The following CEP126 variants were observed in gnomAD, a reference collection of about 807,000 sequenced individuals.
CEP126 encodes centrosomal protein 126.
CEP126 carries 74 observed loss-of-function variants against 107.8 expected under a neutral mutation model. The observed-to-expected ratio is 0.69, with a 90% confidence interval of 0.57 to 0.83. The LOEUF (loss-of-function observed/expected upper bound fraction) is 0.83, where lower values mean the gene tolerates loss of function less well. CEP126 is among the 40% of genes least tolerant of loss of function. The pLI is 0.00. For missense variants in CEP126, 1,237 were observed against 1,281.9 expected (o/e 0.96, Z 0.53); for synonymous variants, 449 against 446.0 (o/e 1.01, Z -0.08).
chr11:101,916,971 G>A (rs1940225819), intron 1 of CEP126, among the ~76,000 whole-genome samples: 1 of 149,668 alleles, frequency 6.7e-6, no homozygotes, highest in African/African-American at 2.5e-5. Flanking sequence ...TTAAAATTAG[G>A]CAAGTTATAA....
intron 10 of CEP126, 133 bp from the exon 11 acceptor site, chr11:101,997,466 A>G (rs1043529566): frequency 1.0e-5 from 14 of 1,401,022 alleles, no homozygotes; most frequent in South Asian, 6.7e-5. Flanking sequence ...GTCCTCTGCA[A>G]TCTTAAACTC....
At chr11:101,961,655 G>T in intron 5 of CEP126, 86 bp from the exon 6 acceptor site, 1 of 682,692 alleles carries the variant, frequency 1.5e-6, no homozygotes, top group Non-Finnish European at 2.5e-6. Flanking sequence ...AAGGAGAATT[G>T]GGCTCAGTAA....
chr11:101,915,321 G>T lies in CEP126; in HGVS notation c.37G>T (p.Gly13Trp). The change falls in exon 1 of 11, where the codon GGG (glycine) becomes TGG (tryptophan). Residue 13 changes from glycine to tryptophan, a missense_variant. Around this residue, in one of 3 missense-constraint regions of CEP126, gnomAD observed 1,134 missense variants for 1,150.5 expected, o/e 0.99. Coordinates refer to ENST00000263468, the MANE Select transcript of CEP126 (RefSeq NM_020802.4). ...GAGGCCCGGAACCCGGAGCGCGGTC[G>T]GGGAACTGGGCACTGAATCATCGGA... is the stretch of plus-strand genomic sequence containing the variant. ...AGRPGTRSAVGELGTESSDNL... is the reference protein window; with the variant it reads ...AGRPGTRSAVWELGTESSDNL... 1.2e-6 allele frequency: 2 copies of T among 1,613,910 alleles called. No homozygotes were observed. Among genetic ancestry groups the T allele is most frequent in the Non-Finnish European group, 1.7e-6 (2 of 1,179,974 alleles).
chr11:101,920,528 A>G (rs1940307254), intron 1 of CEP126, among the ~76,000 whole-genome samples: 1 of 152,184 alleles, frequency 6.6e-6, no homozygotes, highest in South Asian at 2.1e-4. Flanking sequence ...CCTACAATCT[A>G]TAACTTCAGT....
intron 3 of CEP126, among the ~76,000 whole-genome samples, chr11:101,947,336 G>A (rs1940750213): frequency 6.6e-6 from 1 of 152,136 alleles, no homozygotes; most frequent in Non-Finnish European, 1.5e-5. Context: ...ATGATGGGAG[G>A]AAAATGATGT....
chr11:101,941,008 C>T (rs1007539245), intron 2 of CEP126, among the ~76,000 whole-genome samples: 13 of 152,096 alleles, frequency 8.5e-5, no homozygotes, highest in African/African-American at 2.4e-4. Context: ...GTGCTTGACA[C>T]GTGATTTTAT....
chr11:101,979,756 A>ATAAAAT (rs1303518421), intron 7 of CEP126, among the ~76,000 whole-genome samples: 1 of 152,170 alleles, frequency 6.6e-6, no homozygotes, highest in South Asian at 2.1e-4. Flanking sequence ...AATTAAATAA[A>ATAAAAT]TAAAATTAAA....
At chr11:101,925,197 T>C (rs558576283) in intron 2 of CEP126, among the ~76,000 whole-genome samples, 1 of 152,340 alleles carries the variant, frequency 6.6e-6, no homozygotes, top group East Asian at 1.9e-4. Context: ...TTGTTTGTTC[T>C]TTGTATTCCA....
intron 4 of CEP126, among the ~76,000 whole-genome samples, chr11:101,955,621 T>C (rs1467179399): frequency 6.6e-6 from 1 of 152,170 alleles, no homozygotes; most frequent in Non-Finnish European, 1.5e-5. Context: ...TGTACGTTTT[T>C]CAGTACATGT....
At chr11:101,955,983 C>G in intron 4 of CEP126, 1 of 456,514 alleles carries the variant, frequency 2.2e-6, no homozygotes, top group South Asian at 1.5e-5. Context: ...AAGACCTTTG[C>G]ACCAGTCCCA....
intron 9 of CEP126, among the ~76,000 whole-genome samples, chr11:101,988,307 A>G (rs1941337415): frequency 6.6e-6 from 1 of 152,216 alleles, no homozygotes; most frequent in Non-Finnish European, 1.5e-5. Flanking sequence ...CAGATTACAG[A>G]CGTCTGAACA....
At chr11:101,950,281 T>G (rs1940793614) in intron 4 of CEP126, among the ~76,000 whole-genome samples, 1 of 152,060 alleles carries the variant, frequency 6.6e-6, no homozygotes, top group Non-Finnish European at 1.5e-5. Flanking sequence ...ACTGTGAAAG[T>G]TAGAGAGTGA....
intron 6 of CEP126, among the ~76,000 whole-genome samples, chr11:101,971,946 T>C (rs1941134340): frequency 6.6e-6 from 1 of 151,834 alleles, no homozygotes; most frequent in Admixed American, 6.6e-5. Flanking sequence ...CCGTCTCTAC[T>C]AAAAATTTAA....
chr11:101,931,627 A>G (rs542263773), intron 2 of CEP126, among the ~76,000 whole-genome samples: 1 of 152,324 alleles, frequency 6.6e-6, no homozygotes, highest in African/African-American at 2.4e-5. Flanking sequence ...ATTGTCTCAA[A>G]ATATATTTAG....
chr11:101,996,935 T>C (rs569670106), intron 10 of CEP126, among the ~76,000 whole-genome samples: 1 of 152,326 alleles, frequency 6.6e-6, no homozygotes, highest in Middle Eastern at 3.4e-3. Flanking sequence ...TAGAGTTTTA[T>C]TGGTACCCAG....
At chr11:101,983,525 C>T (rs1941281078) in intron 8 of CEP126, among the ~76,000 whole-genome samples, 1 of 152,096 alleles carries the variant, frequency 6.6e-6, no homozygotes, top group Non-Finnish European at 1.5e-5. Flanking sequence ...TTGAAGAGAA[C>T]CATGAATATT....
At chr11:101,924,072 G>T (rs1211540789) in intron 2 of CEP126, among the ~76,000 whole-genome samples, 1 of 151,974 alleles carries the variant, frequency 6.6e-6, no homozygotes, top group Non-Finnish European at 1.5e-5. Context: ...TTTTCTATTT[G>T]TATTCTCTCA....
intron 2 of CEP126, among the ~76,000 whole-genome samples, chr11:101,935,660 G>C (rs891205455): frequency 6.6e-6 from 1 of 151,904 alleles, no homozygotes; most frequent in Non-Finnish European, 1.5e-5. Flanking sequence ...TCTGTATTTT[G>C]TTCCATTGGT....
intron 6 of CEP126, among the ~76,000 whole-genome samples, chr11:101,977,556 G>A (rs1389127239): frequency 2.0e-5 from 3 of 150,296 alleles, no homozygotes; most frequent in East Asian, 1.9e-4. Flanking sequence ...ACCTGATCCC[G>A]GGAGGCAGAG....
Sources: gnomAD v4.1 joint callset for allele counts (sites outside exome capture counted in the v4.1 genomes callset) on GRCh38, gnomAD v4.1.1 for gene constraint, gnomAD v4.1.1 regional missense constraint, MANE v1.5 for transcripts, NCBI Gene and HGNC (gene_info 2026-07-23, HGNC 2026-07-21) for gene names.